SLC8A1: variants seen among roughly 807,000 people sequenced by gnomAD.
SLC8A1 encodes sodium/calcium exchanger 1.
Under a neutral mutation model 68.3 loss-of-function variants are expected in SLC8A1, and 18 were observed. That is an observed-to-expected ratio of 0.26 (90% CI 0.18 to 0.39). The LOEUF is 0.39. Ranked by LOEUF, SLC8A1 falls within the 10% of genes least tolerant of loss-of-function variation. The pLI is 1.00. For synonymous variants in SLC8A1, 475 were observed against 415.5 expected (o/e 1.14, Z -1.74); for missense variants, 985 against 1,156.7 (o/e 0.85, Z 2.15).
intron 2 of SLC8A1, among the ~76,000 whole-genome samples, chr2:40,419,688 T>C (rs1694933932): frequency 6.6e-6 from 1 of 152,186 alleles, no homozygotes; most frequent in Admixed American, 6.5e-5. Context: ...GAAGGAAACT[T>C]ATCCTTGTAA....
At position 40,476,239 on chromosome 2, in the gene SLC8A1, A is replaced by G. The variant is rs952400512; in HGVS notation, c.-25+36110T>C. Among the ~76,000 whole-genome samples, 5 of 152,194 alleles carry G rather than the reference A, an allele frequency of 3.3e-5. No individual in the cohort carries two copies. The South Asian group carries it at 8.3e-4, about 25-fold the overall frequency. ...TTGTCTTTCTCAAAGGGGAGCCTAT[A>G]GAAACTCTGGACCCAAGGACTAAAG... On this transcript the variant is annotated intron_variant, in intron 1 of 7. Coordinates refer to the SLC8A1 transcript ENST00000402441.
chr2:40,461,712 T>C (rs1703348849), intron 1 of SLC8A1, among the ~76,000 whole-genome samples: 2 of 152,220 alleles, frequency 1.3e-5, no homozygotes, highest in Non-Finnish European at 2.9e-5. Context: ...TAATCAAGTC[T>C]TTTTGTCTTT....
chr2:40,132,083 T>G (rs1298352315), intron 7 of SLC8A1, among the ~76,000 whole-genome samples: 1 of 152,084 alleles, frequency 6.6e-6, no homozygotes, highest in East Asian at 1.9e-4. Flanking sequence ...AATGTAATCT[T>G]ACTGTTGCAT....
chr2:40,422,264 C>A (rs1322986235), intron 2 of SLC8A1, among the ~76,000 whole-genome samples: 1 of 152,106 alleles, frequency 6.6e-6, no homozygotes, highest in Non-Finnish European at 1.5e-5. Context: ...GATGTTCTAC[C>A]CCAAACAGTA....
intron 2 of SLC8A1, among the ~76,000 whole-genome samples, chr2:40,314,123 A>C (rs2074119249): frequency 6.6e-6 from 1 of 152,046 alleles, no homozygotes; most frequent in African/African-American, 2.4e-5. Flanking sequence ...TTTTTGAAAA[A>C]AATATAATTG....
intron 2 of SLC8A1, among the ~76,000 whole-genome samples, chr2:40,325,690 T>G (rs2075737792): frequency 1.3e-5 from 2 of 149,004 alleles, no homozygotes; most frequent in Non-Finnish European, 3.0e-5. Flanking sequence ...TCTCAGCACT[T>G]TGGGAGGCCA....
intron 2 of SLC8A1, among the ~76,000 whole-genome samples, chr2:40,252,841 CAT>C (rs965626289): frequency 3.0e-4 from 34 of 112,060 alleles, no homozygotes; most frequent in African/African-American, 1.3e-3. Context: ...CATGTGTATA[CAT>C]ATATGTATAT....
chr2:40,351,743 G>T (rs1265690123), intron 2 of SLC8A1, among the ~76,000 whole-genome samples: 2 of 152,046 alleles, frequency 1.3e-5, no homozygotes, highest in African/African-American at 4.8e-5. Context: ...GACAAAGACA[G>T]TAAAGAGCTC....
intron 2 of SLC8A1, among the ~76,000 whole-genome samples, chr2:40,250,717 A>G (rs2062607020): frequency 6.6e-6 from 1 of 152,164 alleles, no homozygotes. Context: ...AATAACCCAC[A>G]TTTACCCATG....
At chr2:40,103,706 A>T (rs1335138804) in exon 8 of SLC8A1, 1 of 152,174 alleles carries the variant, frequency 6.6e-6, no homozygotes, top group Admixed American at 6.5e-5. Context: ...TTCCAATCTC[A>T]TTACATTTTC....
At chr2:40,285,790 GA>G (rs2068208775) in intron 2 of SLC8A1, among the ~76,000 whole-genome samples, 1 of 152,116 alleles carries the variant, frequency 6.6e-6, no homozygotes, top group African/African-American at 2.4e-5. Flanking sequence ...TTAGTTAACT[GA>G]GATAGAAATG....
At chr2:40,125,680 G>C (rs1379962386) in intron 7 of SLC8A1, among the ~76,000 whole-genome samples, 1 of 151,956 alleles carries the variant, frequency 6.6e-6, no homozygotes, top group African/African-American at 2.4e-5. Context: ...TCATGTCCTT[G>C]AGATGTTTGG....
intron 1 of SLC8A1, among the ~76,000 whole-genome samples, chr2:40,458,661 C>G (rs892587034): frequency 6.6e-6 from 1 of 152,090 alleles, no homozygotes; most frequent in East Asian, 1.9e-4. Flanking sequence ...CACTGCAGGA[C>G]GAGGAACCAC....
intron 2 of SLC8A1, among the ~76,000 whole-genome samples, chr2:40,375,067 C>T (rs917126206): frequency 9.9e-5 from 15 of 152,036 alleles, no homozygotes; most frequent in Middle Eastern, 3.4e-3. Flanking sequence ...GGAGAACAGC[C>T]CTGTCATTAT....
intron 5 of SLC8A1, among the ~76,000 whole-genome samples, chr2:40,164,531 A>T (rs2046224920): frequency 6.6e-6 from 1 of 152,166 alleles, no homozygotes; most frequent in African/African-American, 2.4e-5. Flanking sequence ...TCTTCCACAC[A>T]TAACAATCTC....
intron 2 of SLC8A1, among the ~76,000 whole-genome samples, chr2:40,271,194 C>T (rs898033885): frequency 6.6e-6 from 1 of 151,748 alleles, no homozygotes; most frequent in East Asian, 1.9e-4. Flanking sequence ...GCTGACAGAG[C>T]GTGACATGAT....
chr2:40,428,423 C>CCACA lies in SLC8A1; in HGVS notation c.1808+46_1808+49dup, dbSNP rs3838567. The CCACA allele has an allele frequency of 1.5e-3, 2,109 of 1,394,048 alleles. 9 individuals are homozygous for CCACA. In the African/African-American group the frequency reaches 0.024, roughly 16 times the overall value. The allele number at this position is 1,394,048 out of a possible 1,614,324, so 86.4% of individuals were successfully genotyped here. A position where few individuals can be genotyped will look rare whatever the true frequency, so the allele number is the denominator to read the frequency against. Reference sequence around the variant, plus strand: ...GACTCACATTCATAAACACACTGAACCACACACACACACACACACACACAC... The same window carrying CCACA: ...GACTCACATTCATAAACACACTGAACCACACACACACACACACACACACACACAC... On this transcript the variant is annotated intron_variant, in intron 2 of 7. Transcript: ENST00000406785.
At chr2:40,235,336 A>G (rs898764114) in intron 2 of SLC8A1, among the ~76,000 whole-genome samples, 5 of 151,972 alleles carry the variant, frequency 3.3e-5, no homozygotes, top group Non-Finnish European at 7.4e-5. Flanking sequence ...GGGAGAGTGT[A>G]TGTGTCGAGG....
chr2:40,422,396 T>C (rs1477613838), intron 2 of SLC8A1, among the ~76,000 whole-genome samples: 3 of 152,180 alleles, frequency 2.0e-5, no homozygotes, highest in African/African-American at 7.2e-5. Flanking sequence ...ATCTCAGCTT[T>C]GTTAGCTGAC....
Sources: allele counts gnomAD v4.1 joint callset (sites outside exome capture counted in the v4.1 genomes callset), GRCh38; gene constraint gnomAD v4.1.1; transcripts MANE v1.5; gene names NCBI Gene and HGNC (gene_info 2026-07-23, HGNC 2026-07-21).